Variants in ZNF726 observed in about 807,000 individuals in gnomAD.
ZNF726 encodes zinc finger protein 726.
A neutral mutation model predicts 11.6 loss-of-function variants in ZNF726; 15 were observed. The ratio of observed to expected loss-of-function variants is 1.29; its 90% CI spans 0.86 to 1.99. The LOEUF (loss-of-function observed/expected upper bound fraction) is 1.99. ZNF726 is among the 30% of genes most tolerant of loss of function. The probability of loss-of-function intolerance (pLI) is 0.00; values close to 1 mark genes in which losing one functional copy is unlikely to be tolerated. For synonymous variants in ZNF726, 295 were observed against 243.6 expected, an observed-to-expected ratio of 1.21 and a Z score of -1.96; for missense variants, 890 against 725.6, an observed-to-expected ratio of 1.23 and a Z score of -2.60.
At position 23,934,431 on chromosome 19, in the gene ZNF726, T is replaced by C. The variant is rs752106551; in HGVS notation, c.*464T>C. The C allele has an allele frequency of 9.9e-5, 44 of 445,078 alleles. No individual in the cohort carries two copies. Among genetic ancestry groups the C allele is most frequent in the Middle Eastern group, 3.6e-4 (1 of 2,808 alleles). 27.6% of individuals were successfully genotyped at this position (445,078 alleles called of 1,614,324 possible). A position where few individuals can be genotyped will look rare whatever the true frequency, so the allele number is the denominator to read the frequency against. On this transcript the variant is annotated 3_prime_UTR_variant, in exon 4 of 4. Coordinates refer to ENST00000594466, the MANE Select transcript of ZNF726 (RefSeq NM_001244038.2). The stretch of plus-strand genomic sequence containing the variant: ...AAAGCCTTTAAGCAGTCTTCAATCC[T>C]GAGTAACCATAAGATAATTCAAACT...
chr19:23,935,910 A>C (rs1345747975), downstream of ZNF726: 1 of 152,700 alleles, frequency 6.5e-6, no homozygotes, highest in African/African-American at 2.4e-5. Context: ...ATATGTCTTT[A>C]AAGTGCAGAA....
chr19:23,917,901 T>C (rs1010692054), intron 1 of ZNF726, among the ~76,000 whole-genome samples: 1 of 152,180 alleles, frequency 6.6e-6, no homozygotes, highest in Admixed American at 6.5e-5. Flanking sequence ...CCCTTGTAGG[T>C]TGCCATGAGA....
intron 3 of ZNF726, among the ~76,000 whole-genome samples, chr19:23,941,776 C>A (rs376014175): frequency 6.6e-6 from 1 of 151,910 alleles, no homozygotes; most frequent in Non-Finnish European, 1.5e-5. Flanking sequence ...TTCATAGTAG[C>A]CTTGAATAAT....
chr19:23,923,407 T>C, intron 3 of ZNF726: 1 of 406,918 alleles, frequency 2.5e-6, no homozygotes, highest in South Asian at 1.8e-5. Flanking sequence ...TAGATGCCAG[T>C]AATTTTTTTT....
Position 23,919,371 on chromosome 19 carries a change from A to G in ZNF726, c.4-2A>G, listed in dbSNP as rs757226794. 13 of 1,604,384 alleles carry G rather than the reference A, an allele frequency of 8.1e-6. No individual in the cohort carries two copies. Among genetic ancestry groups the G allele is most frequent in the Non-Finnish European group, 1.1e-5 (13 of 1,174,138 alleles). On this transcript the variant is annotated splice_acceptor_variant, in intron 1 of 3. Coordinates refer to ENST00000594466, the MANE Select transcript of ZNF726 (RefSeq NM_001244038.2). LOFTEE classifies it high-confidence loss of function. ...ATATGTGTGTTTGTGTGTATTTTCCAGGGACTGTTGACATTTAGGGATGTG... is the reference window on the plus strand; with the variant it reads ...ATATGTGTGTTTGTGTGTATTTTCCGGGGACTGTTGACATTTAGGGATGTG...
intron 1 of ZNF726, 24 bp downstream of exon 1, chr19:23,915,021 C>G: frequency 6.2e-7 from 1 of 1,613,784 alleles, no homozygotes; most frequent in South Asian, 1.1e-5. Flanking sequence ...GTGCGACATC[C>G]CAAGAGAGGG....
rs1440164116 is a variant in ZNF726 at position 23,914,988 on chromosome 19, C to G, written c.-7C>G. 1 of 1,613,730 alleles carries G rather than the reference C, an allele frequency of 6.2e-7. No individual in the cohort carries two copies. The highest frequency in any genetic ancestry group is 8.5e-7 in the Non-Finnish European group (1 of 1,180,002). On this transcript the variant is annotated 5_prime_UTR_variant, in exon 1 of 4. Transcript: ENST00000594466. ...GGCCCTGTGACCTGCCCCCTGGAAGCCTAGAAATGGTGAGAGTGCCGGGTG... is the reference window on the plus strand; with the variant it reads ...GGCCCTGTGACCTGCCCCCTGGAAGGCTAGAAATGGTGAGAGTGCCGGGTG...
intron 3 of ZNF726, among the ~76,000 whole-genome samples, chr19:23,922,315 G>A (rs562512695): frequency 8.0e-4 from 122 of 152,324 alleles, no homozygotes; most frequent in African/African-American, 2.8e-3. Context: ...ATTTTCCCAG[G>A]TCACTTTGGA....
At chr19:23,939,863 T>TTTTTTTC in intron 3 of ZNF726, among the ~76,000 whole-genome samples, 1 of 88,416 alleles carries the variant, frequency 1.1e-5, no homozygotes, top group African/African-American at 4.8e-5. Context: ...TTTGATGGGA[T>TTTTTTTC]TTTTTTTTTT....
At position 23,920,045 on chromosome 19, in the gene ZNF726, G is replaced by A. The variant is rs770891860; in HGVS notation, c.189G>A (p.Trp63Ter). The A allele has an allele frequency of 3.9e-5, 62 of 1,590,018 alleles. No individual in the cohort carries two copies. Among genetic ancestry groups the A allele is most frequent in the East Asian group, 4.6e-5 (2 of 43,602 alleles). Residue 63 changes from tryptophan to a stop codon, truncating the protein, a stop_gained, in exon 3 of 4, where the codon TGG becomes TGA. Coordinates refer to ENST00000594466, the MANE Select transcript of ZNF726 (RefSeq NM_001244038.2). LOFTEE classifies it low-confidence loss of function (END_TRUNC). ...GTCTGGAGAAAGAAAAAGAGCCCTG[G>A]AATATGAAGCGAGATGAGATGGTGG... The part of the protein sequence containing the change: ...IICLEKEKEP[W>*]NMKRDEMVDE...
In ZNF726 at chr19:23,943,758, T is replaced by G. The variant is rs539288278; in HGVS notation, c.322+169T>G. On this transcript the variant is annotated intron_variant, in intron 4 of 4. Coordinates refer to the ZNF726 transcript ENST00000334589. The stretch of plus-strand genomic sequence containing the variant: ...GTAGGAGCATTTTTGTCCCATACCC[T>G]TAAATTATTTCTAAGGACTCTACTT... 21 of 427,916 alleles carry G rather than the reference T, an allele frequency of 4.9e-5. No individual in the cohort carries two copies. The East Asian group carries it at 6.6e-4, about 14-fold the overall frequency. 26.5% of individuals were successfully genotyped at this position (427,916 alleles called of 1,614,324 possible). A position where few individuals can be genotyped will look rare whatever the true frequency, so the allele number is the denominator to read the frequency against.
rs1322120280 is a variant in ZNF726 at position 23,933,832 on chromosome 19, A to T, written c.1716A>T (p.Lys572Asn). 31 of 1,601,208 alleles carry T rather than the reference A, an allele frequency of 1.9e-5. 1 individual carries two copies. The East Asian group carries it at 7.0e-4, about 36-fold the overall frequency. The change falls in exon 4 of 4, where the codon AAA becomes AAT. Residue 572 changes from lysine (K) to asparagine (N), a missense_variant. Transcript: ENST00000594466. ...CTTACAAGTGTGAAGAATGTGGAAAAGCGTTTAATCGATCCTCAAATCTTA... is the reference window on the plus strand; with the variant it reads ...CTTACAAGTGTGAAGAATGTGGAAATGCGTTTAATCGATCCTCAAATCTTA... ...EKPYKCEECG[K>N]AFNRSSNLST...
intron 3 of ZNF726, among the ~76,000 whole-genome samples, chr19:23,930,345 A>G (rs1372615061): frequency 1.3e-5 from 2 of 152,040 alleles, no homozygotes; most frequent in Non-Finnish European, 2.9e-5. Flanking sequence ...AGTTGATGGT[A>G]TCCAATCACT....
downstream of ZNF726, chr19:23,935,513 A>T: frequency 2.4e-6 from 1 of 412,166 alleles, no homozygotes; most frequent in Non-Finnish European, 4.8e-6. Flanking sequence ...CTTAACAGAT[A>T]TAAGATTATT....
downstream of ZNF726, among the ~76,000 whole-genome samples, chr19:23,937,778 G>A (rs1968270993): frequency 6.6e-6 from 1 of 152,202 alleles, no homozygotes; most frequent in South Asian, 2.1e-4. Context: ...CGGCACTTTG[G>A]GAGGCCAAGG....
intron 3 of ZNF726, among the ~76,000 whole-genome samples, chr19:23,927,628 A>G (rs1968016760): frequency 6.6e-6 from 1 of 152,082 alleles, no homozygotes; most frequent in African/African-American, 2.4e-5. Context: ...AGTAGTTGGG[A>G]CTACAAACAT....
rs1001851402 is a variant in ZNF726, at chr19:23,934,247, A to G, written c.*280A>G. The G allele has an allele frequency of 2.2e-5, 15 of 693,172 alleles. No homozygotes were observed. Among genetic ancestry groups the G allele is most frequent in the Admixed American group, 1.7e-4 (9 of 52,908 alleles). 42.9% of individuals were successfully genotyped at this position (693,172 alleles called of 1,614,324 possible). A position where few individuals can be genotyped will look rare whatever the true frequency, so the allele number is the denominator to read the frequency against. On this transcript the variant is annotated 3_prime_UTR_variant, in exon 4 of 4. Coordinates refer to ENST00000594466, the MANE Select transcript of ZNF726 (RefSeq NM_001244038.2). ...ACAAATGTGAAAAATGTGGCAAAGCATATGGTCCACACCCCTAAGTAGACA... is the reference window on the plus strand; with the variant it reads ...ACAAATGTGAAAAATGTGGCAAAGCGTATGGTCCACACCCCTAAGTAGACA...
intron 2 of ZNF726, 157 bp downstream of exon 2, chr19:23,919,656 C>G: frequency 4.1e-6 from 4 of 967,186 alleles, no homozygotes; most frequent in Non-Finnish European, 5.7e-6. Flanking sequence ...GATGTTTCAT[C>G]CTGACCTGAA....
intron 3 of ZNF726, among the ~76,000 whole-genome samples, chr19:23,925,861 C>T (rs183234427): frequency 5.9e-5 from 9 of 151,628 alleles, no homozygotes; most frequent in South Asian, 4.2e-4. Flanking sequence ...AAATAACAGG[C>T]GTGTGCCACC....
Sources: gnomAD v4.1 joint callset for allele counts (sites outside exome capture counted in the v4.1 genomes callset) on GRCh38, gnomAD v4.1.1 for gene constraint, MANE v1.5 for transcripts, NCBI Gene and HGNC (gene_info 2026-07-23, HGNC 2026-07-21) for gene names.